SND1: variants seen among roughly 807,000 people sequenced by gnomAD.
SND1 encodes the protein staphylococcal nuclease and tudor domain containing 1, also known as staphylococcal nuclease domain-containing protein 1.
SND1 carries 38 observed loss-of-function variants against 121.7 expected under a neutral mutation model. The observed-to-expected ratio is 0.31, with a 90% confidence interval of 0.24 to 0.41. The LOEUF (loss-of-function observed/expected upper bound fraction) is 0.41. Among genes scored for constraint, SND1 ranks in the 10% least tolerant of loss-of-function variants. The pLI is 1.00. For missense variants in SND1, 868 were observed against 1,184.6 expected, an observed-to-expected ratio of 0.73 and a Z score of 3.92; for synonymous variants, 401 against 447.4, an observed-to-expected ratio of 0.90 and a Z score of 1.31.
intron 13 of SND1, among the ~76,000 whole-genome samples, chr7:127,896,485 C>G (rs183578358): frequency 1.3e-5 from 2 of 152,214 alleles, no homozygotes; most frequent in South Asian, 2.1e-4. Context: ...ATTCTCAGCA[C>G]CCTGCCCCCT....
chr7:127,769,515 C>G (rs1234112868), intron 10 of SND1, among the ~76,000 whole-genome samples: 3 of 152,138 alleles, frequency 2.0e-5, no homozygotes, highest in Non-Finnish European at 4.4e-5. Context: ...TAATTCTGGT[C>G]ACCTCTTTTT....
intron 12 of SND1, among the ~76,000 whole-genome samples, chr7:127,874,824 A>G: frequency 6.6e-6 from 1 of 152,194 alleles, no homozygotes; most frequent in South Asian, 2.1e-4. Flanking sequence ...TTTAGCTAAC[A>G]TATTAGAACT....
At chr7:127,929,152 A>G in intron 14 of SND1, 36 bp from the exon 15 acceptor site, 1 of 1,609,572 alleles carries the variant, frequency 6.2e-7, no homozygotes, top group Non-Finnish European at 8.5e-7. Flanking sequence ...GGGTTTTATT[A>G]CTTTCCAGTT....
At chr7:127,888,303 AG>A (rs1421573131) in intron 13 of SND1, among the ~76,000 whole-genome samples, 2 of 152,026 alleles carry the variant, frequency 1.3e-5, no homozygotes, top group Admixed American at 1.3e-4. Flanking sequence ...GCTCTATAGG[AG>A]ATATGTTTAT....
At chr7:127,697,521 T>C (rs712717) in intron 3 of SND1, among the ~76,000 whole-genome samples, 143,690 of 152,226 alleles carry the variant, frequency 0.94, 68,271 homozygotes, top group Non-Finnish European at 1. Context: ...TTCCCTTAAT[T>C]GTTGAGTCCT....
chr7:127,813,972 G>A (rs737242), intron 11 of SND1, among the ~76,000 whole-genome samples: 9,902 of 152,242 alleles, frequency 0.065, 422 homozygotes, highest in Middle Eastern at 0.2. Context: ...AATTTCTTCC[G>A]TATGCTCACC....
At chr7:127,855,123 A>G (rs368312180) in intron 12 of SND1, among the ~76,000 whole-genome samples, 1 of 151,624 alleles carries the variant, frequency 6.6e-6, no homozygotes, top group Non-Finnish European at 1.5e-5. Flanking sequence ...TTAAGATTCT[A>G]TGGAATTTTT....
At chr7:128,082,599 G>A (rs905968592) in intron 18 of SND1, among the ~76,000 whole-genome samples, 4 of 152,224 alleles carry the variant, frequency 2.6e-5, no homozygotes, top group African/African-American at 4.8e-5. Flanking sequence ...GTTCTCTTGA[G>A]GTCAGCCACA....
At chr7:128,009,972 G>C (rs1386017045) in intron 16 of SND1, among the ~76,000 whole-genome samples, 9 of 152,160 alleles carry the variant, frequency 5.9e-5, no homozygotes, top group African/African-American at 2.2e-4. Context: ...CACTCCCAGA[G>C]AGAAAAGAAG....
At chr7:127,881,273 C>T (rs1481297992) in intron 12 of SND1, among the ~76,000 whole-genome samples, 2 of 152,100 alleles carry the variant, frequency 1.3e-5, no homozygotes. Flanking sequence ...TCTGTTCCAC[C>T]CTAGGTTATT....
intron 15 of SND1, 75 bp downstream of exon 15, chr7:127,929,404 G>C: frequency 6.6e-7 from 1 of 1,504,608 alleles, no homozygotes; most frequent in Non-Finnish European, 9.2e-7. Flanking sequence ...CTTTCCCCCT[G>C]TGTTCTAGAT....
At chr7:127,844,627 G>T (rs562561570) in intron 12 of SND1, among the ~76,000 whole-genome samples, 6 of 152,146 alleles carry the variant, frequency 3.9e-5, no homozygotes, top group African/African-American at 1.4e-4. Flanking sequence ...TTTCATTATT[G>T]TAGTTATTTA....
chr7:128,025,514 C>T (rs980135318), intron 16 of SND1, among the ~76,000 whole-genome samples: 6 of 152,176 alleles, frequency 3.9e-5, no homozygotes, highest in Non-Finnish European at 8.8e-5. Context: ...CAACGTGTTG[C>T]TATAACTACC....
At chr7:128,089,756 C>A (rs1793746755) in intron 22 of SND1, 64 bp downstream of exon 22, 1 of 1,440,482 alleles carries the variant, frequency 6.9e-7, no homozygotes, top group South Asian at 1.2e-5. Flanking sequence ...AGGGACTGTT[C>A]CACAAGCCAG....
At chr7:127,745,267 T>C (rs1033749392) in intron 10 of SND1, among the ~76,000 whole-genome samples, 1 of 152,186 alleles carries the variant, frequency 6.6e-6, no homozygotes. Context: ...GTACAGCATG[T>C]TGCAGTGCTG....
chr7:127,820,745 C>G (rs970727834), intron 11 of SND1, among the ~76,000 whole-genome samples: 1 of 152,002 alleles, frequency 6.6e-6, no homozygotes, highest in African/African-American at 2.4e-5. Context: ...CTCAAAGTTT[C>G]TTAGACCTCC....
chr7:128,058,276 A>C (rs572369571), intron 16 of SND1, among the ~76,000 whole-genome samples: 1 of 152,278 alleles, frequency 6.6e-6, no homozygotes, highest in Non-Finnish European at 1.5e-5. Context: ...GCACAATGAG[A>C]TGAGCCAACA....
At chr7:127,890,619 T>C (rs1584644845) in intron 13 of SND1, among the ~76,000 whole-genome samples, 1 of 152,140 alleles carries the variant, frequency 6.6e-6, no homozygotes, top group African/African-American at 2.4e-5. Context: ...GACAGGCAGG[T>C]AAGCATGGAA....
chr7:127,681,888 T>C (rs903563297), intron 1 of SND1, among the ~76,000 whole-genome samples: 3 of 152,242 alleles, frequency 2.0e-5, no homozygotes, highest in African/African-American at 7.2e-5. Context: ...CAGGTAGATA[T>C]TGCTGTTACA....
Sources: gnomAD v4.1 joint callset for allele counts (sites outside exome capture counted in the v4.1 genomes callset) on GRCh38, gnomAD v4.1.1 for gene constraint, MANE v1.5 for transcripts, NCBI Gene and HGNC (gene_info 2026-07-23, HGNC 2026-07-21) for gene names.